CHODL: variants seen among roughly 807,000 people sequenced by gnomAD.
The protein encoded by CHODL is transmembrane protein MT75.
CHODL carries 29 observed loss-of-function variants against 34.5 expected under a neutral mutation model. The ratio of observed to expected loss-of-function variants is 0.84; its 90% CI spans 0.63 to 1.15. The LOEUF (loss-of-function observed/expected upper bound fraction) is 1.15, where lower values mean the gene tolerates loss of function less well. CHODL is among the 50% of genes most tolerant of loss of function. CHODL has a pLI of 0.00. For missense variants in CHODL, 332 were observed against 332.5 expected (o/e 1.00, Z 0.01); for synonymous variants, 125 against 116.1 (o/e 1.08, Z -0.49).
At chr21:17,987,957 C>G (rs76925704) in intron 1 of CHODL, among the ~76,000 whole-genome samples, 1 of 152,030 alleles carries the variant, frequency 6.6e-6, no homozygotes, top group Non-Finnish European at 1.5e-5. Flanking sequence ...GAGAAAGGCA[C>G]AAATTGAGGG....
intron 2 of CHODL, among the ~76,000 whole-genome samples, chr21:18,234,640 T>G (rs2074012633): frequency 6.6e-6 from 1 of 152,038 alleles, no homozygotes. Context: ...CCAGAAGTGG[T>G]CCCATGAGGC....
At chr21:18,115,341 T>C (rs1197233652) in intron 2 of CHODL, among the ~76,000 whole-genome samples, 2 of 152,202 alleles carry the variant, frequency 1.3e-5, no homozygotes, top group East Asian at 3.9e-4. Flanking sequence ...ATTTTTGCAA[T>C]GTTAAGTGAC....
At chr21:18,241,326 A>G (rs2074080112), upstream of CHODL, among the ~76,000 whole-genome samples, 1 of 151,892 alleles carries the variant, frequency 6.6e-6, no homozygotes, top group Admixed American at 6.6e-5. Flanking sequence ...TCAAATATTT[A>G]TTTTTCTATA....
At chr21:18,246,371 A>T (rs181834731) in intron 1 of CHODL, among the ~76,000 whole-genome samples, 1 of 152,322 alleles carries the variant, frequency 6.6e-6, no homozygotes, top group East Asian at 1.9e-4. Flanking sequence ...GAAATAGATG[A>T]CAGATGACAG....
intron 2 of CHODL, among the ~76,000 whole-genome samples, chr21:18,211,166 A>ACACACACACT (rs1263156737): frequency 6.6e-6 from 1 of 150,544 alleles, no homozygotes; most frequent in African/African-American, 2.4e-5. Flanking sequence ...ACACACACAC[A>ACACACACACT]CACTCACACT....
intron 2 of CHODL, among the ~76,000 whole-genome samples, chr21:18,109,538 G>A (rs2065321009): frequency 1.3e-5 from 2 of 152,084 alleles, no homozygotes; most frequent in Admixed American, 1.3e-4. Flanking sequence ...ATTATGTTTT[G>A]GGGGTACTTA....
chr21:18,184,097 T>G (rs1055183755), intron 2 of CHODL, among the ~76,000 whole-genome samples: 1 of 152,196 alleles, frequency 6.6e-6, no homozygotes, highest in Non-Finnish European at 1.5e-5. Flanking sequence ...AATAATAGAC[T>G]TACAGTTTCA....
At chr21:17,934,051 A>AC (rs1028862492) in intron 1 of CHODL, among the ~76,000 whole-genome samples, 6 of 151,854 alleles carry the variant, frequency 4.0e-5, no homozygotes, top group East Asian at 1.9e-4. Flanking sequence ...AAAGAAAAAA[A>AC]AAAAAAGAAA....
At chr21:18,219,993 CA>C (rs1454580979) in intron 2 of CHODL, among the ~76,000 whole-genome samples, 1 of 152,060 alleles carries the variant, frequency 6.6e-6, no homozygotes, top group African/African-American at 2.4e-5. Context: ...TCTTAGCCCC[CA>C]AAATATTTGT....
chr21:18,009,541 T>TA (rs1346957341), intron 1 of CHODL, among the ~76,000 whole-genome samples: 2 of 152,092 alleles, frequency 1.3e-5, no homozygotes, highest in Admixed American at 1.3e-4. Flanking sequence ...AAAGAATCTA[T>TA]AATTTAAGAC....
In CHODL at chr21:17,918,562, C is replaced by T. The variant is rs1003998523; in HGVS notation, c.-145+1162C>T. On this transcript the variant is annotated intron_variant, in intron 1 of 6. Coordinates refer to the CHODL transcript ENST00000400127. ...AACTGCCCCCATAATTTAATCACTT[C>T]CCCCCGGGTTCCTCCTAGGACACAT... Among the ~76,000 whole-genome samples, 12 of 152,172 alleles carry T rather than the reference C, an allele frequency of 7.9e-5. No homozygotes were observed. In the East Asian group the frequency reaches 9.7e-4, roughly 12 times the overall value.
Position 17,954,982 on chromosome 21 carries a change from C to T in CHODL, c.-145+37582C>T, listed in dbSNP as rs2146345593. On this transcript the variant is annotated intron_variant, in intron 1 of 6. Coordinates refer to the CHODL transcript ENST00000400127. ...GGTCTGTTTAGGCTACTGTCATAAA[C>T]TTTTACTACCATCAACTGGATAGCT... 1.5e-5 allele frequency among the ~76,000 whole-genome samples: 2 copies of T among 132,204 alleles called. 1 individual carries two copies. The highest frequency in any genetic ancestry group is 7.4e-3 in the Middle Eastern group (2 of 270). The allele number at this position is 132,204 out of a possible 152,430, so 86.7% of individuals were successfully genotyped here. A position where few individuals can be genotyped will look rare whatever the true frequency, so the allele number is the denominator to read the frequency against.
In CHODL at chr21:18,116,331, A is replaced by T. The variant is rs533943927; in HGVS notation, c.-45+88360A>T. On this transcript the variant is annotated intron_variant, in intron 2 of 6. Transcript: ENST00000400127. Reference sequence around the variant, plus strand: ...TCTCTCTCTTTCTCTTTTCTCTTTTATCTCATTTAGAGGTTCCAATACCTA... The same window carrying T: ...TCTCTCTCTTTCTCTTTTCTCTTTTTTCTCATTTAGAGGTTCCAATACCTA... 3.3e-5 allele frequency among the ~76,000 whole-genome samples: 5 copies of T among 151,788 alleles called. No homozygotes were observed. In the South Asian group the frequency reaches 1.0e-3, roughly 32 times the overall value.
intron 2 of CHODL, among the ~76,000 whole-genome samples, chr21:18,079,409 A>G (rs1184205949): frequency 6.8e-6 from 1 of 147,744 alleles, no homozygotes; most frequent in East Asian, 1.9e-4. Flanking sequence ...TATATATCAC[A>G]TATATATACC....
chr21:18,076,940 G>T (rs1219892657), intron 2 of CHODL, among the ~76,000 whole-genome samples: 1 of 152,188 alleles, frequency 6.6e-6, no homozygotes, highest in African/African-American at 2.4e-5. Flanking sequence ...TCAGAGAACT[G>T]CTACAAGAAT....
In CHODL at chr21:17,962,549, C is replaced by T. The variant is rs1280601466; in HGVS notation, c.-145+45149C>T. Among the ~76,000 whole-genome samples the T allele has an allele frequency of 2.6e-5, 4 of 152,074 alleles. No individual in the cohort carries two copies. The East Asian group carries it at 7.7e-4, about 29-fold the overall frequency. On this transcript the variant is annotated intron_variant, in intron 1 of 6. Coordinates refer to the CHODL transcript ENST00000400127. The stretch of plus-strand genomic sequence containing the variant: ...GTCTGGGGTAGGGTGGCTCCGTGAC[C>T]ATCTGTGAGTAATTACACATAATAT...
chr21:18,235,595 T>A (rs1187184049), intron 2 of CHODL, among the ~76,000 whole-genome samples: 1 of 152,214 alleles, frequency 6.6e-6, no homozygotes, highest in East Asian at 1.9e-4. Flanking sequence ...GAAGTAGTAG[T>A]CACCAAGGAT....
chr21:18,201,025 T>C (rs2073645241), intron 2 of CHODL, among the ~76,000 whole-genome samples: 1 of 152,160 alleles, frequency 6.6e-6, no homozygotes, highest in East Asian at 1.9e-4. Context: ...GAATCGTGAA[T>C]AAATAAATTT....
intron 3 of CHODL, 151 bp from the exon 4 acceptor site, chr21:18,260,049 A>C (rs1420890443): frequency 7.5e-6 from 2 of 268,332 alleles, no homozygotes; most frequent in Non-Finnish European, 1.3e-5. Flanking sequence ...ATTTCATGTA[A>C]ATTTAAATTC....
Sources: allele counts gnomAD v4.1 joint callset (sites outside exome capture counted in the v4.1 genomes callset), GRCh38; gene constraint gnomAD v4.1.1; transcripts MANE v1.5; gene names NCBI Gene and HGNC (gene_info 2026-07-23, HGNC 2026-07-21).